SP110: variants seen among roughly 807,000 people sequenced by gnomAD.
The protein encoded by SP110 is interferon-induced protein 41, 30kD.
In SP110, 62 loss-of-function variants were observed where a neutral mutation model predicts 92.7. The observed-to-expected ratio is 0.67, with a 90% CI of 0.55 to 0.83. SP110 has a LOEUF of 0.83. Ranked by LOEUF, SP110 falls within the 40% of genes least tolerant of loss-of-function variation. SP110 has a pLI of 0.00. For synonymous variants in SP110, 273 were observed against 305.3 expected (o/e 0.89, Z 1.10); for missense variants, 793 against 863.9 (o/e 0.92, Z 1.03).
chr2:230,188,979 T>C (rs2148771605), intron 10 of SP110, among the ~76,000 whole-genome samples: 1 of 152,308 alleles, frequency 6.6e-6, no homozygotes, highest in East Asian at 1.9e-4. Context: ...TAGATTTTTC[T>C]AGTTTTTGTG....
At chr2:230,203,060 G>A (rs72982403) in intron 8 of SP110, 48,313 of 370,048 alleles carry the variant, frequency 0.13, 3,873 homozygotes, top group South Asian at 0.26. Context: ...TCTCGTCTAG[G>A]TGGAGAGGAG....
upstream of SP110, among the ~76,000 whole-genome samples, chr2:230,221,228 C>A (rs868737614): frequency 1.3e-5 from 2 of 151,198 alleles, no homozygotes; most frequent in Non-Finnish European, 2.9e-5. Flanking sequence ...TTGCAGTGAG[C>A]CGAGATCGCA....
chr2:230,222,830 G>A (rs72984316), upstream of SP110, among the ~76,000 whole-genome samples: 369 of 146,194 alleles, frequency 2.5e-3, no homozygotes, highest in Non-Finnish European at 4.6e-3. Context: ...TTAGTTTCGT[G>A]TGTATTAAAG....
At chr2:230,205,091 A>G (rs975571831) in intron 8 of SP110, among the ~76,000 whole-genome samples, 1 of 152,222 alleles carries the variant, frequency 6.6e-6, no homozygotes, top group African/African-American at 2.4e-5. Context: ...AGATTTAAGC[A>G]TGGAAATAAA....
rs755966539 is a variant in SP110 at position 230,202,666 on chromosome 2, T to G, written c.961A>C (p.Lys321Gln). 6.2e-7 allele frequency: 1 copy of G among 1,614,134 alleles called. No homozygotes were observed. Among genetic ancestry groups the G allele is most frequent in the East Asian group, 2.2e-5 (1 of 44,882 alleles). The change falls in exon 9 of 19, where the codon AAG becomes CAG. Residue 321 changes from lysine (K) to glutamine (Q), a missense_variant. Coordinates refer to ENST00000258381, the MANE Select transcript of SP110 (RefSeq NM_080424.4). ...KLKRVDQVPQKKDDSTCNSTV... is the reference protein window; with the variant it reads ...KLKRVDQVPQQKDDSTCNSTV... ...GAGTTACAAGTTGAGTCATCTTTCT[T>G]TTGAGGAACCTGATCCACCCTTTTG... is the stretch of plus-strand genomic sequence containing the variant.
chr2:230,191,138 G>T (rs983454786), intron 10 of SP110, among the ~76,000 whole-genome samples: 1 of 152,098 alleles, frequency 6.6e-6, no homozygotes, highest in Non-Finnish European at 1.5e-5. Flanking sequence ...CACAGCTAAA[G>T]CAGTGTTAAG....
chr2:230,215,175 T>C, intron 2 of SP110, 57 bp from the exon 3 acceptor site: 4 of 1,384,684 alleles, frequency 2.9e-6, no homozygotes, highest in East Asian at 4.6e-5. Context: ...TGGGAAGTTA[T>C]ACATTTATGG....
intron 15 of SP110, 81 bp downstream of exon 15, chr2:230,172,763 C>G (rs905744301): frequency 2.2e-6 from 2 of 927,594 alleles, no homozygotes; most frequent in Non-Finnish European, 3.5e-6. Context: ...GTCACACCCT[C>G]GTCCCCGACG....
rs893120217 is a variant in SP110, at chr2:230,175,134, T to G, written c.1591-2175A>C. Among the ~76,000 whole-genome samples the G allele has an allele frequency of 5.9e-5, 9 of 152,344 alleles. 1 individual carries two copies. The highest frequency in any genetic ancestry group is 5.9e-4 in the Admixed American group (9 of 15,304). The stretch of plus-strand genomic sequence containing the variant: ...ATAATACAGAAGGCATATGTCCCTG[T>G]GATCTCATCTCAAAATAAGTGCAGT... On this transcript the variant is annotated intron_variant, in intron 14 of 18. Coordinates refer to ENST00000258381, the MANE Select transcript of SP110 (RefSeq NM_080424.4).
chr2:230,191,827 C>T (rs578238196), intron 10 of SP110, among the ~76,000 whole-genome samples: 1 of 150,548 alleles, frequency 6.6e-6, no homozygotes. Flanking sequence ...AGAGACACAA[C>T]AAAAAAAAAG....
chr2:230,210,129 T>C, intron 6 of SP110, 121 bp from the exon 7 acceptor site: 1 of 766,300 alleles, frequency 1.3e-6, no homozygotes, highest in Non-Finnish European at 2.4e-6. Context: ...GGGAATCTGC[T>C]TGCCCTAAGA....
chr2:230,208,601 T>C (rs932255666), intron 7 of SP110, among the ~76,000 whole-genome samples: 4 of 152,138 alleles, frequency 2.6e-5, no homozygotes, highest in African/African-American at 9.7e-5. Context: ...AAGTCACTGA[T>C]TGAGCAAAAA....
Position 230,216,793 on chromosome 2 carries a change from C to G in SP110, c.135G>C (p.Lys45Asn). 6.2e-7 allele frequency: 1 copy of G among 1,613,968 alleles called. No homozygotes were observed. Among genetic ancestry groups the G allele is most frequent in the Non-Finnish European group, 8.5e-7 (1 of 1,179,952 alleles). ...CAACATGACTCACCATGTACATTCT[C>G]TTAGTGATGATGGAGTTGTCTAGGA... ...EGLLDNSIIT[K>N]RMYMESLEAC... is the part of the protein sequence containing the mutation. The change falls in exon 2 of 19, where the codon AAG becomes AAC. Residue 45 changes from lysine to asparagine, a missense_variant. Lys to Asn is a moderately conservative substitution (Grantham distance 94, BLOSUM62 0). Coordinates refer to ENST00000258381, the MANE Select transcript of SP110 (RefSeq NM_080424.4).
intron 14 of SP110, chr2:230,173,321 A>G (rs1481634370): frequency 6.4e-6 from 2 of 313,966 alleles, no homozygotes; most frequent in East Asian, 7.8e-5. Flanking sequence ...CTGACTGACC[A>G]AAGTAAGAAA....
intron 10 of SP110, among the ~76,000 whole-genome samples, chr2:230,199,353 C>T (rs905935782): frequency 4.6e-5 from 7 of 151,040 alleles, no homozygotes; most frequent in Non-Finnish European, 8.9e-5. Context: ...GGATTACAGG[C>T]GCCCACCACC....
rs2044286138 is a variant in SP110 at position 230,209,946 on chromosome 2, G to T, written c.814C>A (p.Pro272Thr). The T allele has an allele frequency of 1.9e-6, 3 of 1,602,226 alleles. No individual in the cohort carries two copies. In the Admixed American group the frequency reaches 5.0e-5, roughly 27 times the overall value. Reference sequence around the variant, plus strand: ...CTTTTCTTACCTTTCTTGTCTGAAGGTGTGCTGGACACCTCCTGGGGCTCT... The same window carrying T: ...CTTTTCTTACCTTTCTTGTCTGAAGTTGTGCTGGACACCTCCTGGGGCTCT... ...PEEPQEVSST[P>T]SDKKGKKRKR... is the part of the protein sequence containing the mutation. The change falls in exon 7 of 19, where the codon CCT becomes ACT. Residue 272 changes from proline (P) to threonine (T), a missense_variant. Physicochemically the swap from Pro to Thr is conservative, Grantham distance 38 (BLOSUM62 -1). Transcript: ENST00000258381.
intron 7 of SP110, among the ~76,000 whole-genome samples, chr2:230,208,570 C>T (rs933834820): frequency 1.3e-5 from 2 of 152,186 alleles, no homozygotes; most frequent in African/African-American, 4.8e-5. Context: ...CATCTGATAT[C>T]TCCTTATGGT....
chr2:230,177,774 G>A, intron 13 of SP110, 94 bp from the exon 14 acceptor site: 1 of 1,377,342 alleles, frequency 7.3e-7, no homozygotes, highest in Non-Finnish European at 1.0e-6. Context: ...ACCTTTCCAG[G>A]TCAAGAGAGA....
chr2:230,197,929 G>A (rs1002732860), intron 10 of SP110, among the ~76,000 whole-genome samples: 3 of 152,194 alleles, frequency 2.0e-5, no homozygotes, highest in Admixed American at 6.5e-5. Flanking sequence ...TGGGATTACA[G>A]GTGTGAGCTA....
Sources: allele counts gnomAD v4.1 joint callset (sites outside exome capture counted in the v4.1 genomes callset), GRCh38; gene constraint gnomAD v4.1.1; transcripts MANE v1.5; gene names NCBI Gene and HGNC (gene_info 2026-07-23, HGNC 2026-07-21).